Variants in CACNA1C observed in about 807,000 individuals in gnomAD.
CACNA1C encodes the protein calcium voltage-gated channel subunit alpha1 C, also known as voltage-dependent L-type calcium channel subunit alpha-1C.
Under a neutral mutation model 229.0 loss-of-function variants are expected in CACNA1C, and 30 were observed. The ratio of observed to expected loss-of-function variants is 0.13; its 90% CI spans 0.10 to 0.18. The LOEUF is 0.18. Ranked by LOEUF, CACNA1C falls within the 10% of genes least tolerant of loss-of-function variation. The pLI is 1.00. For missense variants in CACNA1C, 1,658 were observed against 2,845.0 expected, an observed-to-expected ratio of 0.58 and a Z score of 9.49; for synonymous variants, 1,114 against 1,132.5, an observed-to-expected ratio of 0.98 and a Z score of 0.33.
At chr12:2,017,794 C>T (rs1377966213) in intron 1 of CACNA1C, among the ~76,000 whole-genome samples, 1 of 151,768 alleles carries the variant, frequency 6.6e-6, no homozygotes, top group Non-Finnish European at 1.5e-5. Flanking sequence ...AGTCAGCTGT[C>T]GGTGTGTCCT....
chr12:2,511,055 A>G (rs11609685), intron 8 of CACNA1C, among the ~76,000 whole-genome samples: 15,527 of 152,196 alleles, frequency 0.1, 884 homozygotes, highest in Middle Eastern at 0.19. Flanking sequence ...AGTCCTTGGG[A>G]AAAAAATGAA....
At chr12:2,219,787 A>G (rs1448634771) in intron 3 of CACNA1C, among the ~76,000 whole-genome samples, 1 of 152,214 alleles carries the variant, frequency 6.6e-6, no homozygotes, top group East Asian at 1.9e-4. Context: ...TGTGGAAAGA[A>G]TTTCAGAGGC....
At chr12:2,017,656 T>G (rs1464522660) in intron 1 of CACNA1C, among the ~76,000 whole-genome samples, 1 of 132,734 alleles carries the variant, frequency 7.5e-6, no homozygotes, top group East Asian at 2.5e-4. Flanking sequence ...TGTATCTTTT[T>G]TCTGTTTTTT....
intron 3 of CACNA1C, among the ~76,000 whole-genome samples, chr12:2,166,940 A>C (rs563858529): frequency 1.3e-5 from 2 of 152,194 alleles, no homozygotes; most frequent in African/African-American, 4.8e-5. Context: ...CCTACACCAG[A>C]CGTAGTAACA....
rs2086084250 is a variant in CACNA1C, at chr12:2,120,497, T to A, written c.477+67T>A. On this transcript the variant is annotated intron_variant, in intron 3 of 46. Coordinates refer to ENST00000399655, the MANE Select transcript of CACNA1C (RefSeq NM_000719.7). The stretch of plus-strand genomic sequence containing the variant: ...GAGAACTGCGTTCAGATCACATAGA[T>A]GCATGGAATGTGGGAGAGAAGTGAG... 3 of 899,864 alleles carry A rather than the reference T, an allele frequency of 3.3e-6. No homozygotes were observed. The Middle Eastern group carries it at 6.4e-4, about 192-fold the overall frequency. The allele number at this position is 899,864 out of a possible 1,614,324, so 55.7% of individuals were successfully genotyped here. A position where few individuals can be genotyped will look rare whatever the true frequency, so the allele number is the denominator to read the frequency against.
intron 9 of CACNA1C, among the ~76,000 whole-genome samples, chr12:2,519,448 G>C (rs570542272): frequency 6.6e-6 from 1 of 152,300 alleles, no homozygotes; most frequent in African/African-American, 2.4e-5. Context: ...TGGCATCACC[G>C]ATGACATCCT....
chr12:2,105,452 A>G (rs2077874322), intron 1 of CACNA1C, among the ~76,000 whole-genome samples: 1 of 152,190 alleles, frequency 6.6e-6, no homozygotes, highest in Non-Finnish European at 1.5e-5. Flanking sequence ...CTGTAGCAGG[A>G]TGGGGGAGAG....
intron 3 of CACNA1C, among the ~76,000 whole-genome samples, chr12:2,167,460 A>G (rs1363433174): frequency 2.6e-5 from 4 of 152,192 alleles, no homozygotes; most frequent in Non-Finnish European, 5.9e-5. Context: ...TGTAGAGACT[A>G]TGGATTCTAT....
chr12:2,576,576 G>A (rs900907712), intron 13 of CACNA1C, among the ~76,000 whole-genome samples: 13 of 152,136 alleles, frequency 8.5e-5, no homozygotes, highest in African/African-American at 3.1e-4. Context: ...TCAGCTGATT[G>A]TGAATGTGCC....
At chr12:2,631,104 T>G (rs1179471272) in intron 29 of CACNA1C, among the ~76,000 whole-genome samples, 3 of 152,234 alleles carry the variant, frequency 2.0e-5, no homozygotes, top group Non-Finnish European at 4.4e-5. Context: ...TCTCTGGTTT[T>G]CAACACCAAA....
chr12:2,359,569 C>T (rs1293693626), intron 3 of CACNA1C, among the ~76,000 whole-genome samples: 2 of 149,036 alleles, frequency 1.3e-5, no homozygotes, highest in African/African-American at 5.0e-5. Context: ...TCTCACAAGA[C>T]ACAAACTGTT....
At chr12:2,074,650 C>T (rs1291826522) in intron 1 of CACNA1C, among the ~76,000 whole-genome samples, 2 of 152,184 alleles carry the variant, frequency 1.3e-5, no homozygotes, top group East Asian at 3.9e-4. Flanking sequence ...AAATAGCTGT[C>T]TCTTCCCTGC....
intron 37 of CACNA1C, chr12:2,668,546 G>C: frequency 4.6e-6 from 1 of 218,046 alleles, no homozygotes; most frequent in Non-Finnish European, 9.2e-6. Flanking sequence ...TCAGCAGGCT[G>C]TACAGGAAGC....
chr12:2,283,521 C>T (rs1372602299), intron 3 of CACNA1C, among the ~76,000 whole-genome samples: 1 of 152,194 alleles, frequency 6.6e-6, no homozygotes, highest in East Asian at 1.9e-4. Flanking sequence ...GCCAGTCTGT[C>T]CTGTATACTC....
rs554018084 is a variant in CACNA1C, at chr12:1,984,999, G to A, written c.139+13798G>A. On this transcript the variant is annotated intron_variant, in intron 1 of 46. Coordinates refer to the CACNA1C transcript ENST00000682462. ...CATTCAAAACATTATTATCCTAGAT[G>A]TAACACAATGGTTTTCTCTGGTTTG... 4.0e-5 allele frequency among the ~76,000 whole-genome samples: 6 copies of A among 151,038 alleles called. 1 individual carries two copies. The highest frequency in any genetic ancestry group is 1.5e-4 in the African/African-American group (6 of 41,112).
intron 13 of CACNA1C, among the ~76,000 whole-genome samples, chr12:2,572,324 C>CTCT (rs2055149432): frequency 1.9e-5 from 2 of 106,220 alleles, no homozygotes; most frequent in African/African-American, 3.2e-5. Flanking sequence ...CCTCCTCTTC[C>CTCT]TCCTCCTTCT....
chr12:2,457,433 C>A, intron 4 of CACNA1C, 134 bp from the exon 5 acceptor site: 1 of 854,166 alleles, frequency 1.2e-6, no homozygotes, highest in Non-Finnish European at 1.8e-6. Flanking sequence ...ACTCCACGCA[C>A]ACCCACAACG....
At position 2,504,811 on chromosome 12, in the gene CACNA1C, T is replaced by A; in HGVS notation, c.1114-31T>A. Reference sequence around the variant, plus strand: ...ACTGGCCGTGCTCGGTTGCTGAGTGTGCCTCACTAACTATCATTCCGTTCT... The same window carrying A: ...ACTGGCCGTGCTCGGTTGCTGAGTGAGCCTCACTAACTATCATTCCGTTCT... On this transcript the variant is annotated intron_variant, in intron 7 of 46. Coordinates refer to ENST00000399655, the MANE Select transcript of CACNA1C (RefSeq NM_000719.7). The surrounding 1 kb of genome is among the most constrained non-coding windows in gnomAD (Gnocchi z 6.8). 1.6e-6 allele frequency: 2 copies of A among 1,282,458 alleles called. No homozygotes were observed. Among genetic ancestry groups the A allele is most frequent in the South Asian group, 2.4e-5 (2 of 83,410 alleles). The allele number at this position is 1,282,458 out of a possible 1,614,324, so 79.4% of individuals were successfully genotyped here.
Position 2,668,999 on chromosome 12 carries a change from G to A in CACNA1C, c.4690G>A (p.Ala1564Thr). ...AGTCATGTTCAATGCCACCCTGTTT[G>A]CCCTGGTCAGGACGGCCCTGAGGAT... ...GTVMFNATLF[A>T]LVRTALRIKT... is the part of the protein sequence containing the mutation. The change falls in exon 38 of 47, where the codon GCC becomes ACC. Residue 1564 changes from alanine to threonine, a missense_variant. Ala to Thr is a moderately conservative substitution (Grantham distance 58). This residue lies in a region of CACNA1C where 151 missense variants were observed against 344.4 expected (regional missense o/e 0.44). Coordinates refer to ENST00000399655, the MANE Select transcript of CACNA1C (RefSeq NM_000719.7). The A allele has an allele frequency of 6.2e-7, 1 of 1,614,112 alleles. No homozygotes were observed. The highest frequency in any genetic ancestry group is 2.2e-5 in the East Asian group (1 of 44,874).
Sources: gnomAD v4.1 joint callset for allele counts (sites outside exome capture counted in the v4.1 genomes callset) on GRCh38, gnomAD v4.1.1 for gene constraint, gnomAD v4.1.1 regional missense constraint, Gnocchi (gnomAD v3.1) non-coding constraint, MANE v1.5 for transcripts, NCBI Gene and HGNC (gene_info 2026-07-23, HGNC 2026-07-21) for gene names.